Variants in LZTFL1 observed in about 807,000 individuals in gnomAD.
The protein encoded by LZTFL1 is leucine zipper transcription factor-like protein 1.
A neutral mutation model predicts 45.9 loss-of-function variants in LZTFL1; 25 were observed. The ratio of observed to expected loss-of-function variants is 0.54; its 90% CI spans 0.40 to 0.76. The LOEUF (loss-of-function observed/expected upper bound fraction) is 0.76, where lower values mean the gene tolerates loss of function less well. Ranked by LOEUF, LZTFL1 falls within the 30% of genes least tolerant of loss-of-function variation. LZTFL1 has a pLI of 0.00. For synonymous variants in LZTFL1, 93 were observed against 117.4 expected, an observed-to-expected ratio of 0.79 and a Z score of 1.35; for missense variants, 277 against 331.1, an observed-to-expected ratio of 0.84 and a Z score of 1.27.
rs960628536 is a variant in LZTFL1, at chr3:45,864,119, A to G, written c.-214-5103T>C. Among the ~76,000 whole-genome samples the G allele has an allele frequency of 4.6e-5, 7 of 152,244 alleles. No homozygotes were observed. The South Asian group carries it at 8.3e-4, about 18-fold the overall frequency. On this transcript the variant is annotated intron_variant, in intron 2 of 4. Coordinates refer to the LZTFL1 transcript ENST00000472635. Reference sequence around the variant, plus strand: ...GTCCCCTGTGGAAAGGTTGAACAAAAGTAGACATTTAACCAACATACTTGT... The same window carrying G: ...GTCCCCTGTGGAAAGGTTGAACAAAGGTAGACATTTAACCAACATACTTGT...
chr3:45,886,097 C>T (rs181987105), intron 2 of LZTFL1, among the ~76,000 whole-genome samples: 2 of 152,310 alleles, frequency 1.3e-5, no homozygotes, highest in East Asian at 1.9e-4. Context: ...CACAGCCCTC[C>T]GGGTTCTGGT....
intron 2 of LZTFL1, among the ~76,000 whole-genome samples, chr3:45,909,751 G>A (rs976414803): frequency 6.6e-6 from 1 of 152,256 alleles, no homozygotes; most frequent in Admixed American, 6.5e-5. Context: ...CACGCCGTGG[G>A]TGGCACTTTC....
intron 3 of LZTFL1, among the ~76,000 whole-genome samples, chr3:45,858,197 A>G (rs1296365391): frequency 6.6e-6 from 1 of 152,240 alleles, no homozygotes; most frequent in East Asian, 1.9e-4. Flanking sequence ...AAATGTTACC[A>G]TACTTGGTTC....
chr3:45,872,587 C>T (rs368512993), intron 2 of LZTFL1, among the ~76,000 whole-genome samples: 5 of 152,176 alleles, frequency 3.3e-5, no homozygotes, highest in East Asian at 3.8e-4. Context: ...GGGCCCCATC[C>T]GTAGGGTTTC....
intron 2 of LZTFL1, among the ~76,000 whole-genome samples, chr3:45,881,456 T>TC (rs965615098): frequency 1.3e-5 from 2 of 152,126 alleles, no homozygotes; most frequent in Non-Finnish European, 2.9e-5. Flanking sequence ...GTCTGTCCTG[T>TC]CCCTCCCATT....
upstream of LZTFL1, among the ~76,000 whole-genome samples, chr3:45,845,719 G>A (rs977124360): frequency 3.3e-5 from 5 of 152,174 alleles, no homozygotes; most frequent in African/African-American, 1.2e-4. Context: ...CAATGTAAGG[G>A]TGTTCACCAA....
upstream of LZTFL1, among the ~76,000 whole-genome samples, chr3:45,844,541 G>T (rs773562806): frequency 7.9e-5 from 12 of 152,206 alleles, no homozygotes; most frequent in Admixed American, 3.9e-4. Context: ...TGAACTGGTA[G>T]TAGGTGGAAA....
intron 2 of LZTFL1, among the ~76,000 whole-genome samples, chr3:45,863,884 C>T (rs950821943): frequency 6.6e-6 from 1 of 152,176 alleles, no homozygotes; most frequent in African/African-American, 2.4e-5. Flanking sequence ...GAAGGACATT[C>T]AGGGAAACAT....
rs141398338 is a variant in LZTFL1, at chr3:45,842,083, A to C, written c.-92T>G. On this transcript the variant is annotated 5_prime_UTR_variant, in exon 1 of 10. Transcript: ENST00000296135. ...ATCGCCGAGGGTAGTTGGACCACAG[A>C]AAATGGGGAAGGAGGGTAGGTTGTT... 423 of 1,577,356 alleles carry C rather than the reference A, an allele frequency of 2.7e-4. No homozygotes were observed. The African/African-American group carries it at 4.5e-3, about 17-fold the overall frequency.
rs1355915143 is a variant in LZTFL1 at position 45,824,380 on chromosome 3, CA to C, written c.*1933del. ...ATAGAGTAAATAACAACAACAACAA[CA>C]ACAACAAAAATGACAAACCAGAAAC... On this transcript the variant is annotated 3_prime_UTR_variant, in exon 10 of 10. Coordinates refer to ENST00000296135, the MANE Select transcript of LZTFL1 (RefSeq NM_020347.4). 1 of 153,932 alleles carries C rather than the reference CA, an allele frequency of 6.5e-6. No homozygotes were observed. The highest frequency in any genetic ancestry group is 1.4e-5 in the Non-Finnish European group (1 of 69,356). The allele number at this position is 153,932 out of a possible 1,614,324, so 9.5% of individuals were successfully genotyped here. A position where few individuals can be genotyped will look rare whatever the true frequency, so the allele number is the denominator to read the frequency against.
intron 2 of LZTFL1, among the ~76,000 whole-genome samples, chr3:45,887,791 G>A (rs982083374): frequency 1.3e-5 from 2 of 152,254 alleles, no homozygotes; most frequent in African/African-American, 4.8e-5. Context: ...CTGCTGGGCG[G>A]TTGGCAGGCA....
intron 2 of LZTFL1, among the ~76,000 whole-genome samples, chr3:45,868,769 T>C (rs1701620289): frequency 1.3e-5 from 2 of 152,202 alleles, no homozygotes; most frequent in African/African-American, 4.8e-5. Flanking sequence ...CAAGCCTCTC[T>C]GATACATTGT....
chr3:45,863,855 G>A (rs1052429629), intron 2 of LZTFL1, among the ~76,000 whole-genome samples: 2 of 152,148 alleles, frequency 1.3e-5, no homozygotes, highest in African/African-American at 4.8e-5. Flanking sequence ...TTGGTTCCTC[G>A]TTTGGACAAA....
upstream of LZTFL1, among the ~76,000 whole-genome samples, chr3:45,842,478 CA>C (rs1275984936): frequency 6.7e-6 from 1 of 149,352 alleles, no homozygotes; most frequent in Non-Finnish European, 1.5e-5. Flanking sequence ...GCGGCCCAGA[CA>C]TTTTTTTTTT....
intron 2 of LZTFL1, among the ~76,000 whole-genome samples, chr3:45,866,634 A>C (rs1286131194): frequency 6.6e-6 from 1 of 152,222 alleles, no homozygotes; most frequent in African/African-American, 2.4e-5. Flanking sequence ...AAGTTCTTTG[A>C]AAACATACCA....
intron 2 of LZTFL1, among the ~76,000 whole-genome samples, chr3:45,895,548 C>T (rs1702326331): frequency 6.6e-6 from 1 of 152,288 alleles, no homozygotes. Context: ...AACCCCATCT[C>T]TACTAAAAAT....
At chr3:45,868,539 G>A (rs79657519) in intron 2 of LZTFL1, among the ~76,000 whole-genome samples, 3,817 of 152,260 alleles carry the variant, frequency 0.025, 164 homozygotes, top group African/African-American at 0.085. Flanking sequence ...ATGTAAATAT[G>A]TATTGAGTCA....
intron 2 of LZTFL1, chr3:45,895,059 T>C: frequency 8.2e-7 from 1 of 1,218,194 alleles, no homozygotes; most frequent in Middle Eastern, 1.9e-4. Flanking sequence ...ATCTGTGTGG[T>C]TTCCCAGGGT....
chr3:45,902,309 C>A (rs185636686), intron 2 of LZTFL1: 133 of 177,350 alleles, frequency 7.5e-4, no homozygotes, highest in Admixed American at 3.6e-3. Context: ...TGCTACAGAC[C>A]GCAAAAGCAG....
Sources: allele counts gnomAD v4.1 joint callset (sites outside exome capture counted in the v4.1 genomes callset), GRCh38; gene constraint gnomAD v4.1.1; transcripts MANE v1.5; gene names NCBI Gene and HGNC (gene_info 2026-07-23, HGNC 2026-07-21).